Variants in OR1J2 observed in about 807,000 individuals in gnomAD.
OR1J2 encodes the protein olfactory receptor family 1 subfamily J member 2.
For synonymous variants in OR1J2, 142 were observed against 99.7 expected (o/e 1.42, Z -2.52); for missense variants, 304 against 246.1 (o/e 1.24, Z -1.57).
chr9:122,506,051 T>C (rs1024835060), upstream of OR1J2, among the ~76,000 whole-genome samples: 4 of 152,214 alleles, frequency 2.6e-5, no homozygotes, highest in Non-Finnish European at 5.9e-5. Context: ...TCCTTTGGGC[T>C]ACCTGATGAG....
At chr9:122,555,326 C>T in the OR1J2 span, among the ~76,000 whole-genome samples, 2 of 152,140 alleles carry the variant, frequency 1.3e-5, no homozygotes, top group Non-Finnish European at 2.9e-5. Flanking sequence ...GGTCATTCTA[C>T]CTCTCTCCTT....
chr9:122,476,970 A>C, the OR1J2 span: 5 of 1,406,788 alleles, frequency 3.6e-6, no homozygotes, highest in Non-Finnish European at 5.0e-6. Context: ...AGCCTCCCAA[A>C]GTGTTGAGAT....
At chr9:122,526,915 G>T in the OR1J2 span, 1 of 1,614,148 alleles carries the variant, frequency 6.2e-7, no homozygotes, top group South Asian at 1.1e-5. Flanking sequence ...TAGCAGAGGG[G>T]GTGGCAAATG....
At chr9:122,479,987 A>G in the OR1J2 span, among the ~76,000 whole-genome samples, 22 of 152,212 alleles carry the variant, frequency 1.4e-4, no homozygotes, top group Non-Finnish European at 2.5e-4. Flanking sequence ...TCAAAGAAAT[A>G]CAATCTAAAA....
the OR1J2 span, among the ~76,000 whole-genome samples, chr9:122,478,162 A>G: frequency 6.6e-6 from 1 of 152,242 alleles, no homozygotes; most frequent in South Asian, 2.1e-4. Flanking sequence ...TGATAGTACT[A>G]AAAGTTGTTT....
At chr9:122,526,944 G>C in the OR1J2 span, 19 of 1,614,070 alleles carry the variant, frequency 1.2e-5, no homozygotes, top group Non-Finnish European at 1.6e-5. Context: ...GCGGTCATAC[G>C]CCATGGCAGC....
chr9:122,533,786 A>G, the OR1J2 span, among the ~76,000 whole-genome samples: 2 of 152,278 alleles, frequency 1.3e-5, no homozygotes, highest in African/African-American at 2.4e-5. Context: ...TGGAGTGGGT[A>G]GCCTCCGTAT....
At chr9:122,468,786 C>T in the OR1J2 span, among the ~76,000 whole-genome samples, 2 of 152,204 alleles carry the variant, frequency 1.3e-5, no homozygotes, top group Non-Finnish European at 2.9e-5. Context: ...ACACTCATCA[C>T]ACTTGGCATT....
At chr9:122,477,519 C>T in the OR1J2 span, 1 of 1,613,972 alleles carries the variant, frequency 6.2e-7, no homozygotes, top group Non-Finnish European at 8.5e-7. Context: ...GGCTCTGAGT[C>T]ATGATGGTGG....
At chr9:122,549,983 A>G in the OR1J2 span, among the ~76,000 whole-genome samples, 2 of 152,182 alleles carry the variant, frequency 1.3e-5, no homozygotes, top group African/African-American at 4.8e-5. Flanking sequence ...GATTCTTCCA[A>G]TCCATGATCA....
chr9:122,450,295 G>A, the OR1J2 span, among the ~76,000 whole-genome samples: 4 of 152,108 alleles, frequency 2.6e-5, no homozygotes, highest in Non-Finnish European at 5.9e-5. Context: ...GCTGCGCTTG[G>A]TGGTGCACAC....
the OR1J2 span, among the ~76,000 whole-genome samples, chr9:122,457,818 A>G: frequency 6.6e-6 from 1 of 152,166 alleles, no homozygotes; most frequent in Non-Finnish European, 1.5e-5. Flanking sequence ...TTTGTTTGCG[A>G]CTTATTAGTC....
At chr9:122,481,576 C>T in the OR1J2 span, among the ~76,000 whole-genome samples, 2 of 151,934 alleles carry the variant, frequency 1.3e-5, no homozygotes, top group Non-Finnish European at 2.9e-5. Flanking sequence ...AAATGAAGTC[C>T]GAATGGCCAA....
At chr9:122,454,511 C>T in the OR1J2 span, among the ~76,000 whole-genome samples, 2 of 150,538 alleles carry the variant, frequency 1.3e-5, no homozygotes, top group Non-Finnish European at 2.9e-5. Context: ...GAGTGAGACT[C>T]GATCTAAAAA....
At chr9:122,469,618 A>G in the OR1J2 span, among the ~76,000 whole-genome samples, 1 of 152,246 alleles carries the variant, frequency 6.6e-6, no homozygotes. Context: ...AGAACTGGGT[A>G]ACAGGCAGAA....
At chr9:122,510,489 CAT>C (rs140025674), upstream of OR1J2, among the ~76,000 whole-genome samples, 9 of 151,400 alleles carry the variant, frequency 5.9e-5, no homozygotes, top group Admixed American at 3.3e-4. Context: ...TGAAATAAAA[CAT>C]ATATATATAT....
the OR1J2 span, among the ~76,000 whole-genome samples, chr9:122,482,329 AC>A: frequency 6.6e-6 from 1 of 152,286 alleles, no homozygotes; most frequent in South Asian, 2.1e-4. Context: ...CTGTGACCTC[AC>A]CCCAAATAGA....
At position 122,511,226 on chromosome 9, in the gene OR1J2, T is replaced by C; in HGVS notation, c.425T>C (p.Val142Ala). Residue 142 changes from valine to alanine, a missense_variant, in exon 1 of 1, where the codon GTC (valine) becomes GCC (alanine). Coordinates refer to ENST00000335302, the MANE Select transcript of OR1J2 (RefSeq NM_054107.1). ...GTCATCATGAGGGAAGAGCTCTGTGTCTTCTTAGTGGCTGTATCTTGGATT... is the reference window on the plus strand; with the variant it reads ...GTCATCATGAGGGAAGAGCTCTGTGCCTTCTTAGTGGCTGTATCTTGGATT... ...YTVIMREELC[V>A]FLVAVSWILS... The C allele has an allele frequency of 1.3e-6, 1 of 753,004 alleles. No individual in the cohort carries two copies. The allele number at this position is 753,004 out of a possible 1,614,324, so 46.6% of individuals were successfully genotyped here.
the OR1J2 span, among the ~76,000 whole-genome samples, chr9:122,523,416 T>C: frequency 6.6e-6 from 1 of 152,044 alleles, no homozygotes; most frequent in African/African-American, 2.4e-5. Context: ...GGAATTGGGA[T>C]TAGTCTCAGG....
Sources: gnomAD v4.1 joint callset for allele counts (sites outside exome capture counted in the v4.1 genomes callset) on GRCh38, gnomAD v4.1.1 for gene constraint, MANE v1.5 for transcripts, NCBI Gene and HGNC (gene_info 2026-07-23, HGNC 2026-07-21) for gene names.